NCAM2: variants seen among roughly 807,000 people sequenced by gnomAD.
NCAM2 encodes the protein neural cell adhesion molecule 2.
Under a neutral mutation model 98.1 loss-of-function variants are expected in NCAM2, and 30 were observed. That is an observed-to-expected ratio of 0.31 (90% confidence interval 0.23 to 0.41). The LOEUF (loss-of-function observed/expected upper bound fraction) is 0.41. NCAM2 is among the 10% of genes least tolerant of loss of function. The pLI, the probability that NCAM2 is intolerant of heterozygous loss-of-function variation, is 1.00. For missense variants in NCAM2, 867 were observed against 1,005.8 expected, an observed-to-expected ratio of 0.86 and a Z score of 1.87; for synonymous variants, 368 against 342.4, an observed-to-expected ratio of 1.07 and a Z score of -0.83.
Position 21,274,182 on chromosome 21 carries a change from A to AT in NCAM2, c.56-6392dup, listed in dbSNP as rs199905456. Among the ~76,000 whole-genome samples, 977 of 149,342 alleles carry AT rather than the reference A, an allele frequency of 6.5e-3. 4 individuals are homozygous for AT. The highest frequency in any genetic ancestry group is 0.011 in the African/African-American group (445 of 40,636). ...CTCTGTCTGAAAAAAAAAAAAAAAA[A>AT]TTTTAATCACTTAGCCCTAGAAGGA... On this transcript the variant is annotated intron_variant, in intron 1 of 17. Coordinates refer to ENST00000400546, the MANE Select transcript of NCAM2 (RefSeq NM_004540.5).
At chr21:21,163,400 G>T (rs1045519492) in intron 1 of NCAM2, among the ~76,000 whole-genome samples, 1 of 152,084 alleles carries the variant, frequency 6.6e-6, no homozygotes, top group Non-Finnish European at 1.5e-5. Context: ...AGTTTGTCTG[G>T]CCTTCTTCTC....
At chr21:21,217,252 G>T (rs1179044083) in intron 1 of NCAM2, among the ~76,000 whole-genome samples, 1 of 152,102 alleles carries the variant, frequency 6.6e-6, no homozygotes, top group Non-Finnish European at 1.5e-5. Flanking sequence ...CAACACTTAT[G>T]GAAAATCAAT....
At chr21:21,324,912 A>T (rs1306158169) in intron 6 of NCAM2, among the ~76,000 whole-genome samples, 1 of 152,184 alleles carries the variant, frequency 6.6e-6, no homozygotes, top group Admixed American at 6.6e-5. Flanking sequence ...TGTATTATAC[A>T]CAAAATGTTG....
chr21:21,299,533 G>T (rs944776027), intron 5 of NCAM2, among the ~76,000 whole-genome samples: 2 of 151,710 alleles, frequency 1.3e-5, no homozygotes, highest in African/African-American at 4.8e-5. Context: ...TCTAGGATGA[G>T]ATTTCACAAT....
chr21:21,123,399 CAA>C (rs35636443), intron 1 of NCAM2, among the ~76,000 whole-genome samples: 324 of 143,016 alleles, frequency 2.3e-3, no homozygotes, highest in Non-Finnish European at 2.2e-3. Flanking sequence ...GACTCCCTCT[CAA>C]AAAAAAAAAA....
At chr21:21,322,282 T>A (rs232460) in intron 5 of NCAM2, among the ~76,000 whole-genome samples, 1 of 151,870 alleles carries the variant, frequency 6.6e-6, no homozygotes, top group African/African-American at 2.4e-5. Context: ...ATGGCAGCAA[T>A]AGACACTGAG....
intron 1 of NCAM2, among the ~76,000 whole-genome samples, chr21:21,091,951 G>A (rs955268617): frequency 1.3e-5 from 2 of 151,920 alleles, no homozygotes; most frequent in Non-Finnish European, 2.9e-5. Flanking sequence ...GTAGGGGCTC[G>A]GTTTTAGATA....
In NCAM2 at chr21:21,034,092, C is replaced by T. The variant is rs1039932034; in HGVS notation, c.55+35474C>T. On this transcript the variant is annotated intron_variant, in intron 1 of 17. Transcript: ENST00000400546. ...AAAGATTGAGATAAGCAGATAAAAACAAGTTTGAGTACCCTAGTTTATACA... is the reference window on the plus strand; with the variant it reads ...AAAGATTGAGATAAGCAGATAAAAATAAGTTTGAGTACCCTAGTTTATACA... Among the ~76,000 whole-genome samples, 4 of 151,238 alleles carry T rather than the reference C, an allele frequency of 2.6e-5. No homozygotes were observed. In the East Asian group the frequency reaches 7.9e-4, roughly 30 times the overall value.
intron 1 of NCAM2, among the ~76,000 whole-genome samples, chr21:21,017,424 C>CAAAAAAAAAAAAA (rs11461275): frequency 4.8e-4 from 28 of 58,760 alleles, no homozygotes; most frequent in Admixed American, 7.2e-4. Context: ...GACTCTGTCT[C>CAAAAAAAAAAAAA]AAAAAAAAAA....
chr21:21,060,716 A>G (rs2065303609), intron 1 of NCAM2, among the ~76,000 whole-genome samples: 1 of 152,136 alleles, frequency 6.6e-6, no homozygotes, highest in Non-Finnish European at 1.5e-5. Flanking sequence ...ACACACAGAC[A>G]TTTACCCACA....
intron 1 of NCAM2, among the ~76,000 whole-genome samples, chr21:21,205,481 G>C (rs2147051351): frequency 6.6e-6 from 1 of 152,070 alleles, no homozygotes; most frequent in African/African-American, 2.4e-5. Context: ...CTTATATCTT[G>C]TTTTAAGTTT....
chr21:21,138,770 A>G (rs2067111182), intron 1 of NCAM2, among the ~76,000 whole-genome samples: 1 of 152,196 alleles, frequency 6.6e-6, no homozygotes, highest in African/African-American at 2.4e-5. Flanking sequence ...ACATTCTGAT[A>G]CCAAAATAGA....
chr21:21,074,336 T>C (rs1601287996), intron 1 of NCAM2, among the ~76,000 whole-genome samples: 1 of 152,026 alleles, frequency 6.6e-6, no homozygotes, highest in Non-Finnish European at 1.5e-5. Context: ...TTTACATTTA[T>C]TTATTAGCAT....
intron 12 of NCAM2, among the ~76,000 whole-genome samples, chr21:21,461,552 A>G (rs896053975): frequency 6.6e-6 from 1 of 151,958 alleles, no homozygotes; most frequent in Non-Finnish European, 1.5e-5. Context: ...CAAATGACAC[A>G]TCATTATTAG....
At chr21:21,020,332 G>A (rs934692329) in intron 1 of NCAM2, among the ~76,000 whole-genome samples, 3 of 152,048 alleles carry the variant, frequency 2.0e-5, no homozygotes, top group Non-Finnish European at 4.4e-5. Flanking sequence ...CACTGCACCC[G>A]GGTGACCAAC....
intron 1 of NCAM2, among the ~76,000 whole-genome samples, chr21:21,044,993 T>C (rs1019784943): frequency 6.6e-6 from 1 of 152,136 alleles, no homozygotes; most frequent in African/African-American, 2.4e-5. Flanking sequence ...TGAAAATACA[T>C]ATATATCTAT....
intron 16 of NCAM2, among the ~76,000 whole-genome samples, chr21:21,528,959 G>A (rs751579440): frequency 1.3e-5 from 2 of 152,052 alleles, no homozygotes; most frequent in Non-Finnish European, 2.9e-5. Flanking sequence ...TAAACCCTGG[G>A]AAACAAATGG....
intron 3 of NCAM2, among the ~76,000 whole-genome samples, chr21:21,284,813 C>T (rs2073047841): frequency 6.6e-6 from 1 of 150,526 alleles, no homozygotes. Context: ...GGTCAGTGAA[C>T]AAGAGTAGTC....
chr21:21,491,069 C>T (rs990557671), intron 15 of NCAM2, among the ~76,000 whole-genome samples: 1 of 151,692 alleles, frequency 6.6e-6, no homozygotes, highest in East Asian at 1.9e-4. Flanking sequence ...TTAATACAAA[C>T]ATTTATTTAC....
Sources: allele counts gnomAD v4.1 joint callset (sites outside exome capture counted in the v4.1 genomes callset), GRCh38; gene constraint gnomAD v4.1.1; transcripts MANE v1.5; gene names NCBI Gene and HGNC (gene_info 2026-07-23, HGNC 2026-07-21).